The following LAMA3 variants were observed in gnomAD, a reference collection of about 807,000 sequenced individuals.
The protein encoded by LAMA3 is laminin subunit alpha-3.
In LAMA3, 281 loss-of-function variants were observed where a neutral mutation model predicts 402.0. The observed-to-expected ratio is 0.70, with a 90% CI of 0.63 to 0.77. The LOEUF (loss-of-function observed/expected upper bound fraction) is 0.77, where lower values mean the gene tolerates loss of function less well. Among genes scored for constraint, LAMA3 ranks in the 30% least tolerant of loss-of-function variants. The pLI, the probability that LAMA3 is intolerant of heterozygous loss-of-function variation, is 0.00. For synonymous variants in LAMA3, 1,431 were observed against 1,558.4 expected, an observed-to-expected ratio of 0.92 and a Z score of 1.93; for missense variants, 3,840 against 4,215.5, an observed-to-expected ratio of 0.91 and a Z score of 2.47.
chr18:23,945,364 A>T (rs530142847), intron 69 of LAMA3, among the ~76,000 whole-genome samples: 2 of 152,178 alleles, frequency 1.3e-5, no homozygotes, highest in Admixed American at 6.5e-5. Context: ...GGGTGAGAGG[A>T]AGAGAGGGTC....
rs1275295825 is a variant in LAMA3, at chr18:23,913,561, G to A, written c.7329+680G>A. ...AGAGGAAAAGCTAATCACTCACTGG[G>A]TTAGGATTCAGTTGTTGGAAGAAAA... On this transcript the variant is annotated intron_variant, in intron 56 of 74. Transcript: ENST00000313654. Among the ~76,000 whole-genome samples the A allele has an allele frequency of 2.0e-5, 3 of 152,176 alleles. No homozygotes were observed. In the East Asian group the frequency reaches 5.8e-4, roughly 29 times the overall value.
At chr18:23,816,063 T>C (rs183514829) in intron 17 of LAMA3, among the ~76,000 whole-genome samples, 11 of 152,318 alleles carry the variant, frequency 7.2e-5, no homozygotes, top group African/African-American at 1.9e-4. Context: ...TGTCTTTGCA[T>C]TGGACAACAG....
chr18:23,853,217 G>C (rs955871734), intron 32 of LAMA3, among the ~76,000 whole-genome samples: 1 of 152,140 alleles, frequency 6.6e-6, no homozygotes, highest in Non-Finnish European at 1.5e-5. Context: ...TAGATTTTGG[G>C]CTCTAGGTTA....
intron 12 of LAMA3, among the ~76,000 whole-genome samples, chr18:23,789,348 TC>T (rs2062607159): frequency 6.6e-6 from 1 of 152,098 alleles, no homozygotes; most frequent in Non-Finnish European, 1.5e-5. Context: ...TGAAAACACA[TC>T]CACGCAGTAA....
chr18:23,703,410 C>A (rs2060826631), intron 1 of LAMA3, among the ~76,000 whole-genome samples: 2 of 152,126 alleles, frequency 1.3e-5, no homozygotes. Flanking sequence ...TGACTGGTAG[C>A]CATCAGGATT....
At chr18:23,754,249 A>G (rs2061802799) in intron 6 of LAMA3, among the ~76,000 whole-genome samples, 1 of 152,338 alleles carries the variant, frequency 6.6e-6, no homozygotes, top group South Asian at 2.1e-4. Flanking sequence ...AGTGGTAACT[A>G]TGTTCACGTT....
rs897982768 is a variant in LAMA3 at position 23,920,944 on chromosome 18, A to G, written c.7933A>G (p.Ile2645Val). The G allele has an allele frequency of 1.2e-6, 2 of 1,614,078 alleles. No individual in the cohort carries two copies. Among genetic ancestry groups the G allele is most frequent in the South Asian group, 1.1e-5 (1 of 91,082 alleles). Residue 2645 changes from isoleucine (I) to valine (V), a missense_variant, in exon 61 of 75, where the codon ATA (isoleucine) becomes GTA (valine). Ile to Val is a conservative substitution (Grantham distance 29, BLOSUM62 3). Transcript: ENST00000313654. ...LFFAENGDRF[I>V]SLNIEDGKLM... is the part of the protein sequence containing the mutation. Reference sequence around the variant, plus strand: ...TGTTCCTCTGTCCTAGGATCGCTTCATATCTCTAAATATAGAAGATGGCAA... The same window carrying G: ...TGTTCCTCTGTCCTAGGATCGCTTCGTATCTCTAAATATAGAAGATGGCAA...
chr18:23,704,015 G>C (rs1200805745), intron 1 of LAMA3, among the ~76,000 whole-genome samples: 2 of 152,212 alleles, frequency 1.3e-5, no homozygotes, highest in African/African-American at 4.8e-5. Context: ...AGCTGGCTTG[G>C]GTTTGGGCAC....
chr18:23,734,875 C>T (rs767713838), intron 2 of LAMA3, among the ~76,000 whole-genome samples: 3 of 152,128 alleles, frequency 2.0e-5, no homozygotes, highest in Admixed American at 6.6e-5. Flanking sequence ...GGGATCTGGA[C>T]GGCCAGCAGG....
chr18:23,737,443 G>A (rs903970913), intron 2 of LAMA3, among the ~76,000 whole-genome samples: 3 of 152,106 alleles, frequency 2.0e-5, no homozygotes, highest in Non-Finnish European at 4.4e-5. Context: ...CCTGCCCTGC[G>A]ATGTCACTCT....
intron 69 of LAMA3, among the ~76,000 whole-genome samples, chr18:23,945,001 C>T (rs958981583): frequency 3.3e-5 from 5 of 152,084 alleles, no homozygotes; most frequent in Non-Finnish European, 7.4e-5. Context: ...GGCATGGTGG[C>T]ATGCACCTGT....
intron 62 of LAMA3, among the ~76,000 whole-genome samples, chr18:23,922,026 C>T (rs1243236625): frequency 2.0e-5 from 3 of 152,204 alleles, no homozygotes; most frequent in Admixed American, 6.5e-5. Flanking sequence ...TCCTTCACTT[C>T]GGCATCAGCT....
intron 12 of LAMA3, among the ~76,000 whole-genome samples, chr18:23,809,058 G>A (rs1331905589): frequency 6.6e-6 from 1 of 152,206 alleles, no homozygotes; most frequent in African/African-American, 2.4e-5. Flanking sequence ...GTGTGGGAAA[G>A]TGTAAAGAGC....
At chr18:23,949,458 T>A (rs1251252509) in intron 70 of LAMA3, among the ~76,000 whole-genome samples, 1 of 152,144 alleles carries the variant, frequency 6.6e-6, no homozygotes, top group East Asian at 1.9e-4. Flanking sequence ...CTGTTCTTAT[T>A]CTAGCACAAG....
At chr18:23,828,311 GT>G (rs2063424700) in intron 23 of LAMA3, among the ~76,000 whole-genome samples, 2 of 152,020 alleles carry the variant, frequency 1.3e-5, no homozygotes, top group Admixed American at 6.6e-5. Context: ...GCAGTTAAAG[GT>G]TTTTAAGTAT....
chr18:23,769,726 G>T (rs1007406885), intron 8 of LAMA3, among the ~76,000 whole-genome samples: 1 of 152,146 alleles, frequency 6.6e-6, no homozygotes, highest in Non-Finnish European at 1.5e-5. Flanking sequence ...GGGGCAAGCA[G>T]AAAATAGATA....
intron 8 of LAMA3, among the ~76,000 whole-genome samples, chr18:23,764,686 C>T (rs779265838): frequency 6.6e-6 from 1 of 151,258 alleles, no homozygotes; most frequent in African/African-American, 2.4e-5. Context: ...GCCTTTTACT[C>T]AGTTAGATAT....
rs970561072 is a variant in LAMA3, at chr18:23,940,448, C to T, written c.9026+1062C>T. ...CCCTGCAGCAGCTTCTCTTGGAGCACGACTTCATGGCTGCCACATGCCGTT... is the reference window on the plus strand; with the variant it reads ...CCCTGCAGCAGCTTCTCTTGGAGCATGACTTCATGGCTGCCACATGCCGTT... On this transcript the variant is annotated intron_variant, in intron 68 of 74. Transcript: ENST00000313654. Among the ~76,000 whole-genome samples, 65 of 152,216 alleles carry T rather than the reference C, an allele frequency of 4.3e-4. 2 individuals are homozygous for T. The highest frequency in any genetic ancestry group is 2.0e-4 in the Admixed American group (3 of 15,282).
intron 7 of LAMA3, among the ~76,000 whole-genome samples, chr18:23,759,363 G>A (rs1229337000): frequency 6.6e-6 from 1 of 150,750 alleles, no homozygotes; most frequent in East Asian, 1.9e-4. Flanking sequence ...AAAGACAACT[G>A]CTATTTTTAA....
Sources: gnomAD v4.1 joint callset for allele counts (sites outside exome capture counted in the v4.1 genomes callset) on GRCh38, gnomAD v4.1.1 for gene constraint, MANE v1.5 for transcripts, NCBI Gene and HGNC (gene_info 2026-07-23, HGNC 2026-07-21) for gene names.